KCNK2: variants seen among roughly 807,000 people sequenced by gnomAD.
KCNK2 encodes potassium channel subfamily K member 2.
A neutral mutation model predicts 40.5 loss-of-function variants in KCNK2; 21 were observed. That is an observed-to-expected ratio of 0.52 (90% CI 0.37 to 0.75). The LOEUF (loss-of-function observed/expected upper bound fraction) is 0.75, where lower values mean the gene tolerates loss of function less well. Ranked by LOEUF, KCNK2 falls within the 30% of genes least tolerant of loss-of-function variation. KCNK2 has a pLI of 0.00. For missense variants in KCNK2, 399 were observed against 531.6 expected (o/e 0.75, Z 2.45); for synonymous variants, 191 against 202.2 (o/e 0.94, Z 0.47).
chr1:215,102,881 A>G (rs1269286300), intron 2 of KCNK2, among the ~76,000 whole-genome samples: 1 of 151,964 alleles, frequency 6.6e-6, no homozygotes, highest in African/African-American at 2.4e-5. Context: ...GTGGAGGTAC[A>G]CTCTATGAAG....
At chr1:215,094,837 A>G (rs1659909335) in intron 2 of KCNK2, among the ~76,000 whole-genome samples, 1 of 152,164 alleles carries the variant, frequency 6.6e-6, no homozygotes, top group African/African-American at 2.4e-5. Context: ...GTGATTAAAA[A>G]GGAATATTAT....
At position 215,007,147 on chromosome 1, in the gene KCNK2, A is replaced by ATG. The variant is rs1571841304; in HGVS notation, c.34+1193_34+1194insGT. Among the ~76,000 whole-genome samples the ATG allele has an allele frequency of 5.9e-5, 7 of 117,868 alleles. 1 individual carries two copies. The South Asian group carries it at 7.3e-4, about 12-fold the overall frequency. The allele number at this position is 117,868 out of a possible 152,430, so 77.3% of individuals were successfully genotyped here. On this transcript the variant is annotated intron_variant, in intron 1 of 6. Transcript: ENST00000391895. ...TATATATATGTGTATATATATGTGT[A>ATG]TATATATATGTATGTATATATATAT...
intron 2 of KCNK2, among the ~76,000 whole-genome samples, chr1:215,090,071 C>A (rs1659628547): frequency 6.6e-6 from 1 of 152,130 alleles, no homozygotes; most frequent in African/African-American, 2.4e-5. Flanking sequence ...GGTGATCCAC[C>A]TGCCTCAGCC....
chr1:215,116,092 C>A (rs1571630300), intron 2 of KCNK2, among the ~76,000 whole-genome samples: 1 of 151,712 alleles, frequency 6.6e-6, no homozygotes, highest in African/African-American at 2.4e-5. Flanking sequence ...TGGTTACTTG[C>A]CCTTAGACAT....
intron 5 of KCNK2, 111 bp from the exon 6 acceptor site, chr1:215,194,842 C>T: frequency 1.3e-6 from 1 of 797,688 alleles, no homozygotes; most frequent in Non-Finnish European, 2.0e-6. Flanking sequence ...GATAAGAATA[C>T]TAGATTTCTA....
At chr1:215,103,358 A>G (rs948091029) in intron 2 of KCNK2, among the ~76,000 whole-genome samples, 1 of 151,928 alleles carries the variant, frequency 6.6e-6, no homozygotes, top group Non-Finnish European at 1.5e-5. Context: ...AAATTCTAAC[A>G]TCTGTTTTAA....
intron 1 of KCNK2, among the ~76,000 whole-genome samples, chr1:215,025,281 G>T (rs555528039): frequency 6.6e-6 from 1 of 152,076 alleles, no homozygotes; most frequent in South Asian, 2.1e-4. Context: ...ACTCAATAAA[G>T]GTGCTATAAA....
intron 3 of KCNK2, among the ~76,000 whole-genome samples, chr1:215,132,161 CCTTT>C (rs1384713237): frequency 6.6e-6 from 1 of 152,104 alleles, no homozygotes; most frequent in African/African-American, 2.4e-5. Flanking sequence ...GAGTCTAATA[CCTTT>C]CTTTCTGTTG....
At chr1:215,186,944 G>A (rs973003570) in intron 5 of KCNK2, among the ~76,000 whole-genome samples, 2 of 152,064 alleles carry the variant, frequency 1.3e-5, no homozygotes, top group African/African-American at 4.8e-5. Flanking sequence ...AAATTATTTT[G>A]CAAAGTGTTA....
chr1:215,107,597 G>A (rs952934484), intron 2 of KCNK2, among the ~76,000 whole-genome samples: 1 of 152,062 alleles, frequency 6.6e-6, no homozygotes, highest in African/African-American at 2.4e-5. Context: ...GATAATTAGT[G>A]ATGTTGAGCA....
At chr1:215,166,271 T>C (rs1404386082) in intron 3 of KCNK2, among the ~76,000 whole-genome samples, 1 of 152,062 alleles carries the variant, frequency 6.6e-6, no homozygotes, top group Non-Finnish European at 1.5e-5. Flanking sequence ...GTCATACCGA[T>C]GCAGAGGGAC....
intron 5 of KCNK2, among the ~76,000 whole-genome samples, chr1:215,183,330 C>T (rs1017812854): frequency 2.6e-5 from 4 of 152,048 alleles, no homozygotes; most frequent in Admixed American, 1.3e-4. Flanking sequence ...TTCTTGGCTA[C>T]GTAAAATATT....
chr1:215,144,548 A>T (rs1662329182), intron 3 of KCNK2, among the ~76,000 whole-genome samples: 1 of 152,162 alleles, frequency 6.6e-6, no homozygotes, highest in African/African-American at 2.4e-5. Context: ...TTCAATATAG[A>T]CAGTCAGTAC....
intron 1 of KCNK2, among the ~76,000 whole-genome samples, chr1:215,052,788 C>A (rs1658033048): frequency 6.6e-6 from 1 of 152,098 alleles, no homozygotes; most frequent in Admixed American, 6.6e-5. Flanking sequence ...ATTTATTAGT[C>A]ATTTATTTTT....
In KCNK2 at chr1:215,007,183, GGGTATATATATA is replaced by G. The variant is rs1232020557; in HGVS notation, c.34+1229_34+1240del. Among the ~76,000 whole-genome samples, 166 of 83,612 alleles carry G rather than the reference GGGTATATATATA, an allele frequency of 2.0e-3. 5 individuals are homozygous for G. The highest frequency in any genetic ancestry group is 6.4e-3 in the Middle Eastern group (1 of 156). 54.9% of individuals were successfully genotyped at this position (83,612 alleles called of 152,430 possible). ...TATGTATATATATATGTATGTGTGT[GGGTATATATATA>G]TATATATATATATATATATATATAT... On this transcript the variant is annotated intron_variant, in intron 1 of 6. Transcript: ENST00000391895.
intron 5 of KCNK2, among the ~76,000 whole-genome samples, chr1:215,184,107 G>A (rs1370161451): frequency 1.1e-4 from 16 of 152,126 alleles, no homozygotes; most frequent in Admixed American, 1.0e-3. Flanking sequence ...GGAAAGGAGG[G>A]TGCATCACTC....
Position 215,083,219 on chromosome 1 carries a change from CAGCCCCGCT to C in KCNK2, c.-166_-158del. 7.1e-7 allele frequency: 1 copy of C among 1,402,674 alleles called. No individual in the cohort carries two copies. The highest frequency in any genetic ancestry group is 9.8e-7 in the Non-Finnish European group (1 of 1,024,528). The allele number at this position is 1,402,674 out of a possible 1,614,324, so 86.9% of individuals were successfully genotyped here. On this transcript the variant is annotated 5_prime_UTR_variant, in exon 1 of 7. Coordinates refer to ENST00000444842, the MANE Select transcript of KCNK2 (RefSeq NM_001017425.3). The stretch of plus-strand genomic sequence containing the variant: ...TCCCCCCCCCGCCCCCTCCCGCGTC[CAGCCCCGCT>C]CTCCCCACCTTGTAAAACAAAGCCG...
chr1:215,017,579 G>C (rs1656636340), intron 1 of KCNK2, among the ~76,000 whole-genome samples: 1 of 152,104 alleles, frequency 6.6e-6, no homozygotes, highest in South Asian at 2.1e-4. Context: ...GGTTACCAGA[G>C]ACTGGGGTTT....
chr1:215,219,800 C>T (rs1666100910), intron 6 of KCNK2, among the ~76,000 whole-genome samples: 1 of 152,164 alleles, frequency 6.6e-6, no homozygotes, highest in African/African-American at 2.4e-5. Context: ...GGGTTATAAT[C>T]TGTTACAATC....
Sources: allele counts gnomAD v4.1 joint callset (sites outside exome capture counted in the v4.1 genomes callset), GRCh38; gene constraint gnomAD v4.1.1; transcripts MANE v1.5; gene names NCBI Gene and HGNC (gene_info 2026-07-23, HGNC 2026-07-21).